Variants in PLCL1 observed in about 807,000 individuals in gnomAD.
PLCL1 encodes the protein phospholipase C like 1 (inactive).
A neutral mutation model predicts 84.4 loss-of-function variants in PLCL1; 41 were observed. That is an observed-to-expected ratio of 0.49 (90% CI 0.38 to 0.63). PLCL1 has a LOEUF of 0.63. PLCL1 is among the 30% of genes least tolerant of loss of function. PLCL1 has a pLI of 0.00. For synonymous variants in PLCL1, 490 were observed against 488.3 expected (o/e 1.00, Z -0.05); for missense variants, 1,206 against 1,367.8 (o/e 0.88, Z 1.87).
rs559060334 is a variant in PLCL1 at position 197,807,050 on chromosome 2, A to G, written c.240+1711A>G. Among the ~76,000 whole-genome samples the G allele has an allele frequency of 2.6e-5, 4 of 152,330 alleles. No homozygotes were observed. The East Asian group carries it at 7.7e-4, about 29-fold the overall frequency. On this transcript the variant is annotated intron_variant, in intron 1 of 5. Coordinates refer to ENST00000428675, the MANE Select transcript of PLCL1 (RefSeq NM_006226.4). ...ATTAACTTGATTTTTCCCCTATTTA[A>G]TAGTAAATGCAATTAACATTTGGTA...
intron 1 of PLCL1, among the ~76,000 whole-genome samples, chr2:198,040,893 A>G (rs544061948): frequency 6.6e-6 from 1 of 152,328 alleles, no homozygotes; most frequent in Admixed American, 6.5e-5. Flanking sequence ...GGACTATGTG[A>G]ATAGAGAGGG....
At chr2:198,139,331 A>C (rs1249118306) in intron 5 of PLCL1, among the ~76,000 whole-genome samples, 3 of 152,206 alleles carry the variant, frequency 2.0e-5, no homozygotes, top group Non-Finnish European at 4.4e-5. Flanking sequence ...ATGCAAATAC[A>C]ACTAGTCTAT....
intron 1 of PLCL1, among the ~76,000 whole-genome samples, chr2:198,075,116 CA>C (rs147553971): frequency 6.4e-4 from 98 of 152,302 alleles, no homozygotes; most frequent in African/African-American, 2.3e-3. Flanking sequence ...AATTAATCCT[CA>C]CACCAGAAAC....
chr2:197,978,385 G>T (rs987310169), intron 1 of PLCL1, among the ~76,000 whole-genome samples: 4 of 152,212 alleles, frequency 2.6e-5, no homozygotes, highest in Non-Finnish European at 5.9e-5. Flanking sequence ...GCTGAGGCAG[G>T]AGAATGGCGT....
Position 197,933,605 on chromosome 2 carries a change from T to C in PLCL1, c.240+128266T>C, listed in dbSNP as rs570448040. ...CTGTGATATTTGGGCAAAATGAGGG[T>C]AATTGGTGAATTGACTATTTGTTCT... On this transcript the variant is annotated intron_variant, in intron 1 of 5. Transcript: ENST00000428675. 4.6e-5 allele frequency among the ~76,000 whole-genome samples: 7 copies of C among 152,326 alleles called. No homozygotes were observed. The East Asian group carries it at 1.3e-3, about 29-fold the overall frequency.
chr2:198,045,362 TTGTACTTTTA>T (rs1471958945), intron 1 of PLCL1, among the ~76,000 whole-genome samples: 1 of 152,206 alleles, frequency 6.6e-6, no homozygotes, highest in Non-Finnish European at 1.5e-5. Context: ...TCATTTAATA[TTGTACTTTTA>T]TGAGGGTTAT....
At chr2:197,945,096 A>C (rs1047656475) in intron 1 of PLCL1, among the ~76,000 whole-genome samples, 3 of 152,234 alleles carry the variant, frequency 2.0e-5, no homozygotes, top group African/African-American at 7.2e-5. Context: ...TAAATGTTTA[A>C]AATCTAATTT....
chr2:197,880,695 A>G (rs1034421498), intron 1 of PLCL1, among the ~76,000 whole-genome samples: 2 of 152,152 alleles, frequency 1.3e-5, no homozygotes, highest in African/African-American at 4.8e-5. Flanking sequence ...TGGAATATTT[A>G]TAGTTTTTTG....
rs142790247 is a variant in PLCL1 at position 197,956,000 on chromosome 2, G to A, written c.241-127758G>A. On this transcript the variant is annotated intron_variant, in intron 1 of 5. Coordinates refer to ENST00000428675, the MANE Select transcript of PLCL1 (RefSeq NM_006226.4). Reference sequence around the variant, plus strand: ...CCCATCCTCTGACAGGCCCCGGTGTGTGATGTTCCCCTCCCTGTGTCCATT... The same window carrying A: ...CCCATCCTCTGACAGGCCCCGGTGTATGATGTTCCCCTCCCTGTGTCCATT... 2.0e-5 allele frequency among the ~76,000 whole-genome samples: 3 copies of A among 151,698 alleles called. No individual in the cohort carries two copies. In the East Asian group the frequency reaches 5.9e-4, roughly 30 times the overall value.
At chr2:197,973,377 C>G (rs1366988915) in intron 1 of PLCL1, among the ~76,000 whole-genome samples, 1 of 152,090 alleles carries the variant, frequency 6.6e-6, no homozygotes, top group East Asian at 1.9e-4. Context: ...ATACTTTAAG[C>G]CTTTCTGATG....
rs556645608 is a variant in PLCL1 at position 197,934,896 on chromosome 2, G to T, written c.240+129557G>T. On this transcript the variant is annotated intron_variant, in intron 1 of 5. Transcript: ENST00000428675. ...ATCTGCAAATTCTGCATCTGACAAGGGTTTAATATTCAGAATCTAAATGAA... is the reference window on the plus strand; with the variant it reads ...ATCTGCAAATTCTGCATCTGACAAGTGTTTAATATTCAGAATCTAAATGAA... Among the ~76,000 whole-genome samples, 6 of 152,074 alleles carry T rather than the reference G, an allele frequency of 3.9e-5. No homozygotes were observed. The South Asian group carries it at 1.2e-3, about 32-fold the overall frequency.
chr2:197,991,203 T>C (rs1243240619), intron 1 of PLCL1, among the ~76,000 whole-genome samples: 1 of 152,114 alleles, frequency 6.6e-6, no homozygotes, highest in Non-Finnish European at 1.5e-5. Flanking sequence ...CTTCGTGCCT[T>C]CTTGCTTGAG....
At chr2:197,853,451 A>G (rs1687275641) in intron 1 of PLCL1, among the ~76,000 whole-genome samples, 1 of 152,112 alleles carries the variant, frequency 6.6e-6, no homozygotes, top group Admixed American at 6.5e-5. Context: ...CTGTGATATC[A>G]TTTCCTAGGA....
chr2:197,838,251 G>T lies in PLCL1; in HGVS notation c.240+32912G>T, dbSNP rs1409207558. Among the ~76,000 whole-genome samples the T allele has an allele frequency of 2.0e-5, 3 of 152,154 alleles. No homozygotes were observed. The East Asian group carries it at 5.8e-4, about 29-fold the overall frequency. ...CTTTGGCTATGTCAAGAGGTCGAGT[G>T]TTATAAACTGCCTTATGCTTTCCTC... On this transcript the variant is annotated intron_variant, in intron 1 of 5. Transcript: ENST00000428675.
At chr2:197,821,456 C>A (rs1210483283) in intron 1 of PLCL1, among the ~76,000 whole-genome samples, 1 of 152,138 alleles carries the variant, frequency 6.6e-6, no homozygotes, top group Non-Finnish European at 1.5e-5. Context: ...CAACACTAAG[C>A]AGGTTATTAC....
chr2:198,033,049 C>T (rs767558899), intron 1 of PLCL1, among the ~76,000 whole-genome samples: 2 of 152,134 alleles, frequency 1.3e-5, no homozygotes, highest in Non-Finnish European at 2.9e-5. Context: ...TATCTTTCCT[C>T]TCAGCTTCTG....
At chr2:197,853,420 T>C (rs2105684773) in intron 1 of PLCL1, among the ~76,000 whole-genome samples, 1 of 152,346 alleles carries the variant, frequency 6.6e-6, no homozygotes, top group Admixed American at 6.5e-5. Flanking sequence ...ATGGTAATTC[T>C]AGCTTTAATT....
At chr2:198,094,313 G>T (rs180968955) in intron 3 of PLCL1, among the ~76,000 whole-genome samples, 1 of 152,098 alleles carries the variant, frequency 6.6e-6, no homozygotes, top group Non-Finnish European at 1.5e-5. Flanking sequence ...TGCCCGCCTT[G>T]GCCTCCCAAA....
At chr2:197,932,054 C>CTGAA (rs367922429) in intron 1 of PLCL1, among the ~76,000 whole-genome samples, 2 of 152,090 alleles carry the variant, frequency 1.3e-5, no homozygotes, top group African/African-American at 4.8e-5. Context: ...ACCAAAGGAC[C>CTGAA]TGAAAAACTG....
Sources: allele counts gnomAD v4.1 joint callset (sites outside exome capture counted in the v4.1 genomes callset), GRCh38; gene constraint gnomAD v4.1.1; transcripts MANE v1.5; gene names NCBI Gene and HGNC (gene_info 2026-07-23, HGNC 2026-07-21).